RTKN2: variants seen among roughly 807,000 people sequenced by gnomAD.
RTKN2 encodes rhotekin 2, also known as rhotekin-2.
RTKN2 carries 69 observed loss-of-function variants against 71.5 expected under a neutral mutation model. The ratio of observed to expected loss-of-function variants is 0.96; its 90% CI spans 0.79 to 1.18. The LOEUF (loss-of-function observed/expected upper bound fraction) is 1.18, where lower values mean the gene tolerates loss of function less well. Ranked by LOEUF, RTKN2 falls within the 50% of genes most tolerant of loss-of-function variation. RTKN2 has a pLI of 0.00. For synonymous variants in RTKN2, 236 were observed against 236.5 expected (o/e 1.00, Z 0.02); for missense variants, 724 against 719.7 (o/e 1.01, Z -0.07).
At chr10:62,245,411 T>G (rs922540334) in intron 3 of RTKN2, among the ~76,000 whole-genome samples, 1 of 152,102 alleles carries the variant, frequency 6.6e-6, no homozygotes, top group African/African-American at 2.4e-5. Flanking sequence ...GGCGACAGCT[T>G]ATGTTTAGGA....
chr10:62,250,106 C>A (rs751565101), intron 2 of RTKN2, among the ~76,000 whole-genome samples: 2 of 152,186 alleles, frequency 1.3e-5, no homozygotes, highest in Non-Finnish European at 2.9e-5. Flanking sequence ...CCGTCAAAAC[C>A]AGCTTGTAGA....
chr10:62,217,153 TAGCTTC>T lies in RTKN2; in HGVS notation c.979_984del (p.Glu327_Ala328del), dbSNP rs59044276. ...GGTACTACCAAAGCTGGTTCCACTT[TAGCTTC>T]AATTTCCTCTGGACTGTAAAAACAA... On this transcript the variant is annotated inframe_deletion, in exon 9 of 12. Coordinates refer to ENST00000373789, the MANE Select transcript of RTKN2 (RefSeq NM_145307.4). The T allele has an allele frequency of 0.16, 248,117 of 1,591,848 alleles. 21,523 individuals are homozygous for T. The highest frequency in any genetic ancestry group is 0.27 in the African/African-American group (20,181 of 73,654).
chr10:62,231,779 A>G (rs1032771459), intron 6 of RTKN2, among the ~76,000 whole-genome samples: 3 of 152,164 alleles, frequency 2.0e-5, no homozygotes, highest in African/African-American at 4.8e-5. Flanking sequence ...TTACTAGGGA[A>G]AATTTTATCA....
In RTKN2 at chr10:62,239,112, AT is replaced by A. The variant is rs967290035; in HGVS notation, c.488+535del. ...AATAAAAACAGCCCTGAGATCACCC[AT>A]TTTTTTTTATTGCTTTGAAGTACAT... is the stretch of plus-strand genomic sequence containing the variant. On this transcript the variant is annotated intron_variant, in intron 5 of 11. Transcript: ENST00000373789. 142 of 151,026 alleles carry A rather than the reference AT, an allele frequency of 9.4e-4. 2 individuals are homozygous for A. Among genetic ancestry groups the A allele is most frequent in the Admixed American group, 6.7e-3 (101 of 15,134 alleles). 9.4% of individuals were successfully genotyped at this position (151,026 alleles called of 1,614,324 possible).
At chr10:62,213,620 A>G (rs746296713) in intron 9 of RTKN2, among the ~76,000 whole-genome samples, 1 of 152,124 alleles carries the variant, frequency 6.6e-6, no homozygotes, top group Non-Finnish European at 1.5e-5. Context: ...TATATATATG[A>G]AAGGTCCCTA....
intron 8 of RTKN2, 43 bp from the exon 9 acceptor site, chr10:62,217,292 GTTA>G: frequency 1.5e-6 from 2 of 1,368,292 alleles, no homozygotes; most frequent in Non-Finnish European, 2.0e-6. Flanking sequence ...TCAATTTTAA[GTTA>G]TTATCACTTT....
chr10:62,217,300 C>T, intron 8 of RTKN2, 51 bp from the exon 9 acceptor site: 3 of 1,286,876 alleles, frequency 2.3e-6, no homozygotes, highest in Non-Finnish European at 3.2e-6. Flanking sequence ...AAGTTATTAT[C>T]ACTTTAAATA....
chr10:62,204,172 C>T (rs1841502822), intron 10 of RTKN2, among the ~76,000 whole-genome samples: 1 of 152,142 alleles, frequency 6.6e-6, no homozygotes, highest in Non-Finnish European at 1.5e-5. Flanking sequence ...CAACATTCTA[C>T]ATTTTCAATA....
chr10:62,230,665 C>A (rs2132954065), intron 6 of RTKN2, among the ~76,000 whole-genome samples: 1 of 152,170 alleles, frequency 6.6e-6, no homozygotes, highest in Admixed American at 6.5e-5. Context: ...ATATTTTGTT[C>A]CACATTTTCA....
intron 9 of RTKN2, among the ~76,000 whole-genome samples, chr10:62,214,334 T>C (rs769432381): frequency 4.6e-5 from 7 of 152,138 alleles, no homozygotes; most frequent in Admixed American, 1.3e-4. Flanking sequence ...GTAGCTCACA[T>C]TGTCTTCAAG....
intron 6 of RTKN2, among the ~76,000 whole-genome samples, chr10:62,231,855 T>C (rs1338194372): frequency 2.6e-5 from 4 of 152,176 alleles, no homozygotes; most frequent in Admixed American, 2.6e-4. Context: ...TTGACCTAGA[T>C]CACTTAAATA....
At chr10:62,206,933 T>A (rs1160050234) in intron 9 of RTKN2, among the ~76,000 whole-genome samples, 1 of 151,964 alleles carries the variant, frequency 6.6e-6, no homozygotes, top group East Asian at 1.9e-4. Context: ...TGACTTAAGC[T>A]CTAGGAAGAA....
chr10:62,221,244 T>C (rs1841899396), intron 7 of RTKN2, among the ~76,000 whole-genome samples: 1 of 152,122 alleles, frequency 6.6e-6, no homozygotes, highest in South Asian at 2.1e-4. Flanking sequence ...AACTATCTTT[T>C]AAGTTTAGTT....
intron 11 of RTKN2, among the ~76,000 whole-genome samples, chr10:62,198,930 C>G (rs1017804677): frequency 5.3e-5 from 8 of 152,038 alleles, no homozygotes; most frequent in African/African-American, 1.9e-4. Context: ...TTCCTGTAGA[C>G]CAGCAAAGTC....
chr10:62,206,405 G>A (rs1029161368), intron 9 of RTKN2, among the ~76,000 whole-genome samples: 2 of 152,072 alleles, frequency 1.3e-5, no homozygotes, highest in South Asian at 2.1e-4. Context: ...GAAGTAGCAG[G>A]GTTAGGAAGA....
chr10:62,217,211 A>C lies in RTKN2; in HGVS notation c.927T>G (p.Tyr309Ter), dbSNP rs147106750. The change falls in exon 9 of 12, where the codon TAT becomes TAG. Residue 309 changes from tyrosine to a stop codon, truncating the protein, a stop_gained. Coordinates refer to ENST00000373789, the MANE Select transcript of RTKN2 (RefSeq NM_145307.4). LOFTEE classifies it high-confidence loss of function. ...AGAGTTTACCTCCTCGCAAAACACA[A>C]TACAACCTTCTCCAACTAATCAGAC... ...VEGLISWRRLYCVLRGGKLYC... is the reference protein window; with the variant it reads ...VEGLISWRRL The C allele has an allele frequency of 3.1e-6, 5 of 1,599,174 alleles. No individual in the cohort carries two copies. In the African/African-American group the frequency reaches 5.4e-5, roughly 17 times the overall value.
chr10:62,208,159 A>C (rs1400146288), intron 9 of RTKN2, among the ~76,000 whole-genome samples: 1 of 152,166 alleles, frequency 6.6e-6, no homozygotes, highest in Admixed American at 6.5e-5. Context: ...AGTTTCATTT[A>C]GGTTTTTAAA....
At chr10:62,238,855 C>A (rs1842312462) in intron 5 of RTKN2, 1 of 151,804 alleles carries the variant, frequency 6.6e-6, no homozygotes, top group Non-Finnish European at 1.5e-5. Flanking sequence ...ATGGCAAAAA[C>A]CATGCACATG....
chr10:62,245,873 C>A (rs1291684577), intron 3 of RTKN2, 126 bp downstream of exon 3: 5 of 629,560 alleles, frequency 7.9e-6, no homozygotes, highest in Non-Finnish European at 1.4e-5. Flanking sequence ...TGTTTTAGAA[C>A]AAATATTCTG....
Sources: allele counts gnomAD v4.1 joint callset (sites outside exome capture counted in the v4.1 genomes callset), GRCh38; gene constraint gnomAD v4.1.1; transcripts MANE v1.5; gene names NCBI Gene and HGNC (gene_info 2026-07-23, HGNC 2026-07-21).